Variants in QTMAN observed in about 807,000 individuals in gnomAD.
QTMAN encodes queuosine-tRNA mannosyltransferase, also known as tRNA-queuosine alpha-mannosyltransferase.
At chr2:144,298,040 A>G in the QTMAN span, among the ~76,000 whole-genome samples, 5 of 148,952 alleles carry the variant, frequency 3.4e-5, no homozygotes, top group Non-Finnish European at 7.4e-5. Flanking sequence ...TTTTTTTGAG[A>G]TGGAGTCTCG....
chr2:143,942,396 G>A, the QTMAN span: 5 of 167,356 alleles, frequency 3.0e-5, no homozygotes, highest in South Asian at 8.3e-4. Context: ...CTCTTCCCCT[G>A]GGATAGATTG....
the QTMAN span, among the ~76,000 whole-genome samples, chr2:144,234,530 A>G: frequency 6.6e-6 from 1 of 152,148 alleles, no homozygotes; most frequent in East Asian, 1.9e-4. Context: ...TAGAAGCAGT[A>G]TGCTTCTCCC....
At chr2:144,255,181 CA>C in the QTMAN span, among the ~76,000 whole-genome samples, 1 of 152,040 alleles carries the variant, frequency 6.6e-6, no homozygotes, top group Non-Finnish European at 1.5e-5. Context: ...TGGGAGGGGC[CA>C]GGGGCAAAAT....
chr2:144,048,258 C>T, the QTMAN span, among the ~76,000 whole-genome samples: 1 of 152,176 alleles, frequency 6.6e-6, no homozygotes, highest in African/African-American at 2.4e-5. Context: ...AATTAATATA[C>T]ATGGACTATA....
the QTMAN span, among the ~76,000 whole-genome samples, chr2:144,057,074 C>T: frequency 6.6e-6 from 1 of 152,154 alleles, no homozygotes; most frequent in Non-Finnish European, 1.5e-5. Flanking sequence ...AATAATGGCT[C>T]TAAAGTACCC....
the QTMAN span, among the ~76,000 whole-genome samples, chr2:144,053,111 A>C: frequency 6.6e-6 from 1 of 152,242 alleles, no homozygotes; most frequent in African/African-American, 2.4e-5. Context: ...AATGGATCAT[A>C]AAATCAATTT....
At chr2:144,256,502 AAATT>A in the QTMAN span, among the ~76,000 whole-genome samples, 2 of 152,236 alleles carry the variant, frequency 1.3e-5, no homozygotes, top group African/African-American at 2.4e-5. Context: ...TCAATATAAA[AAATT>A]ATTAAGAGCT....
chr2:144,037,901 A>G, the QTMAN span, among the ~76,000 whole-genome samples: 1 of 152,232 alleles, frequency 6.6e-6, no homozygotes, highest in East Asian at 1.9e-4. Context: ...AGATGATTAT[A>G]GGAGAAAAAT....
chr2:144,297,367 T>G, the QTMAN span, among the ~76,000 whole-genome samples: 1 of 152,046 alleles, frequency 6.6e-6, no homozygotes, highest in Non-Finnish European at 1.5e-5. Context: ...CTCTTTCTGG[T>G]CTATTACACT....
the QTMAN span, among the ~76,000 whole-genome samples, chr2:143,977,199 T>C: frequency 2.7e-4 from 41 of 152,304 alleles, no homozygotes; most frequent in African/African-American, 8.4e-4. Flanking sequence ...TGTTTTATTT[T>C]CATTGCTTCA....
the QTMAN span, among the ~76,000 whole-genome samples, chr2:144,034,840 G>T: frequency 1.3e-5 from 2 of 152,148 alleles, no homozygotes; most frequent in Admixed American, 1.3e-4. Flanking sequence ...GGTTGGGAAT[G>T]ACCACTTTAG....
the QTMAN span, among the ~76,000 whole-genome samples, chr2:144,136,453 A>G: frequency 2.0e-5 from 3 of 151,024 alleles, no homozygotes; most frequent in East Asian, 1.9e-4. Flanking sequence ...AGGAAAGGAG[A>G]AAGGAGGAAG....
chr2:144,299,870 A>G, the QTMAN span, among the ~76,000 whole-genome samples: 29 of 152,386 alleles, frequency 1.9e-4, no homozygotes, highest in African/African-American at 6.7e-4. Context: ...AGAAGAGTCC[A>G]TCAGTGGACG....
the QTMAN span, among the ~76,000 whole-genome samples, chr2:143,983,858 G>A: frequency 6.6e-6 from 1 of 152,176 alleles, no homozygotes; most frequent in African/African-American, 2.4e-5. Context: ...TGAACACTCA[G>A]TAAATCGCCA....
At chr2:144,321,905 G>A in the QTMAN span, among the ~76,000 whole-genome samples, 1 of 152,110 alleles carries the variant, frequency 6.6e-6, no homozygotes, top group Non-Finnish European at 1.5e-5. Flanking sequence ...ATCTGCCATG[G>A]TGAACAGCTC....
chr2:144,198,293 A>G, the QTMAN span, among the ~76,000 whole-genome samples: 1 of 152,140 alleles, frequency 6.6e-6, no homozygotes, highest in Non-Finnish European at 1.5e-5. Context: ...CGTGGTTTGA[A>G]TGGGGTTGAC....
chr2:143,991,957 G>A, the QTMAN span, among the ~76,000 whole-genome samples: 1 of 151,694 alleles, frequency 6.6e-6, no homozygotes, highest in Non-Finnish European at 1.5e-5. Context: ...CGGGAGGTGA[G>A]GGGCGCCTCT....
chr2:144,180,491 A>C, the QTMAN span, among the ~76,000 whole-genome samples: 4 of 152,206 alleles, frequency 2.6e-5, no homozygotes, highest in African/African-American at 9.6e-5. Context: ...ATATATGTGT[A>C]TTATACTTAC....
the QTMAN span, among the ~76,000 whole-genome samples, chr2:144,257,499 C>T: frequency 1.3e-5 from 2 of 152,140 alleles, no homozygotes; most frequent in African/African-American, 4.8e-5. Context: ...ACACAGCTAT[C>T]ACTAGACTAC....
Sources: gnomAD v4.1 joint callset for allele counts (sites outside exome capture counted in the v4.1 genomes callset) on GRCh38, gnomAD v4.1.1 for gene constraint, MANE v1.5 for transcripts, NCBI Gene and HGNC (gene_info 2026-07-23, HGNC 2026-07-21) for gene names.